Variants in CALN1 observed in about 807,000 individuals in gnomAD.
The protein encoded by CALN1 is calcium-binding protein 8.
In CALN1, 17 loss-of-function variants were observed where a neutral mutation model predicts 30.6. That is an observed-to-expected ratio of 0.56 (90% CI 0.38 to 0.83). CALN1 has a LOEUF of 0.83. Among genes scored for constraint, CALN1 ranks in the 40% least tolerant of loss-of-function variants. The pLI is 0.00. For missense variants in CALN1, 291 were observed against 354.9 expected (o/e 0.82, Z 1.45); for synonymous variants, 156 against 131.4 (o/e 1.19, Z -1.28).
chr7:71,832,885 C>T (rs780407975), intron 5 of CALN1, among the ~76,000 whole-genome samples: 1 of 151,940 alleles, frequency 6.6e-6, no homozygotes, highest in Non-Finnish European at 1.5e-5. Flanking sequence ...GGATTACAGG[C>T]GTGAGCCGCC....
intron 3 of CALN1, among the ~76,000 whole-genome samples, chr7:72,179,996 C>G (rs769806534): frequency 1.3e-5 from 2 of 152,112 alleles, no homozygotes; most frequent in African/African-American, 4.8e-5. Context: ...TTACATGATC[C>G]GTCCGCATCA....
At chr7:72,338,845 T>G (rs985014966) in intron 2 of CALN1, among the ~76,000 whole-genome samples, 7 of 152,036 alleles carry the variant, frequency 4.6e-5, no homozygotes, top group African/African-American at 1.7e-4. Context: ...AAATATGAGT[T>G]ATTGACTATA....
intron 3 of CALN1, among the ~76,000 whole-genome samples, chr7:72,207,959 A>G (rs1472789317): frequency 6.6e-6 from 1 of 152,170 alleles, no homozygotes; most frequent in African/African-American, 2.4e-5. Context: ...ATCTCTGTGA[A>G]ACTCCAGTAT....
chr7:71,790,368 A>AAAAAGAAAGAAAG lies in CALN1; in HGVS notation c.659-2467_659-2466insCTTTCTTTCTTTT, dbSNP rs1554337106. 8.1e-5 allele frequency among the ~76,000 whole-genome samples: 10 copies of AAAAAGAAAGAAAG among 123,798 alleles called. No homozygotes were observed. The East Asian group carries it at 2.2e-3, about 28-fold the overall frequency. 81.2% of individuals were successfully genotyped at this position (123,798 alleles called of 152,430 possible). On this transcript the variant is annotated intron_variant, in intron 6 of 6. Transcript: ENST00000395275. The stretch of plus-strand genomic sequence containing the variant: ...AAAGAAAAGAAAGAAAGAAAGAAAG[A>AAAAAGAAAGAAAG]AAAGAAAGAAAGAAAGAAAGAAAGA...
chr7:72,005,240 G>C (rs1297787216), intron 5 of CALN1, among the ~76,000 whole-genome samples: 2 of 152,200 alleles, frequency 1.3e-5, no homozygotes, highest in African/African-American at 2.4e-5. Flanking sequence ...GACAGCCTAG[G>C]TGTCCATCAA....
chr7:72,348,022 T>C (rs562910420), intron 2 of CALN1, among the ~76,000 whole-genome samples: 2 of 152,176 alleles, frequency 1.3e-5, no homozygotes, highest in South Asian at 2.1e-4. Flanking sequence ...TCCCAGCTAC[T>C]TGGGAGGCTG....
chr7:72,473,149 CT>C, the CALN1 span, among the ~76,000 whole-genome samples: 9 of 151,548 alleles, frequency 5.9e-5, no homozygotes, highest in Admixed American at 3.3e-4. Flanking sequence ...AGGGGTCTCA[CT>C]ATGTTGCCTA....
At chr7:71,920,330 C>CTTTTT (rs71092931) in intron 5 of CALN1, among the ~76,000 whole-genome samples, 14 of 98,726 alleles carry the variant, frequency 1.4e-4, no homozygotes, top group Non-Finnish European at 2.2e-4. Context: ...CAAATTAGTT[C>CTTTTT]TTTTTTTTTT....
chr7:72,404,915 C>T (rs1032584574), intron 1 of CALN1, among the ~76,000 whole-genome samples: 2 of 152,214 alleles, frequency 1.3e-5, no homozygotes, highest in African/African-American at 4.8e-5. Flanking sequence ...CTGTGAGTAA[C>T]TCATCAGCTA....
chr7:72,479,212 G>A, the CALN1 span, among the ~76,000 whole-genome samples: 6 of 152,194 alleles, frequency 3.9e-5, no homozygotes, highest in South Asian at 2.1e-4. Context: ...GTGTGTGTAC[G>A]TATATTTCAT....
the CALN1 span, among the ~76,000 whole-genome samples, chr7:72,502,008 C>T: frequency 3.4e-5 from 4 of 117,630 alleles, no homozygotes; most frequent in East Asian, 2.1e-4. Context: ...TATATACACA[C>T]ATATATATAT....
At chr7:71,890,568 GAAAAAATTATTAA>G (rs1054300759) in intron 5 of CALN1, among the ~76,000 whole-genome samples, 1 of 151,462 alleles carries the variant, frequency 6.6e-6, no homozygotes, top group African/African-American at 2.4e-5. Flanking sequence ...ATATAAAATA[GAAAAAATTATTAA>G]GAAGAAAAAA....
In CALN1 at chr7:71,785,421, C is replaced by G. The variant is rs1358293878; in HGVS notation, c.*2354G>C. 3 of 152,242 alleles carry G rather than the reference C, an allele frequency of 2.0e-5. No homozygotes were observed. Among genetic ancestry groups the G allele is most frequent in the Non-Finnish European group, 4.4e-5 (3 of 68,092 alleles). The allele number at this position is 152,242 out of a possible 1,614,324, so 9.4% of individuals were successfully genotyped here. ...CACCTCTTGAAGGGTCTCTGTTCTCCAGCAGGAGGCAGAAGAACTCGCAGA... is the reference window on the plus strand; with the variant it reads ...CACCTCTTGAAGGGTCTCTGTTCTCGAGCAGGAGGCAGAAGAACTCGCAGA... On this transcript the variant is annotated 3_prime_UTR_variant, in exon 7 of 7. Transcript: ENST00000395275.
At chr7:71,800,682 C>T (rs945285859) in intron 6 of CALN1, among the ~76,000 whole-genome samples, 4 of 152,030 alleles carry the variant, frequency 2.6e-5, no homozygotes, top group African/African-American at 4.8e-5. Context: ...AGCACCGTTT[C>T]GTATGAAGAC....
intron 1 of CALN1, among the ~76,000 whole-genome samples, chr7:72,423,947 AAAG>A (rs759723250): frequency 7.9e-6 from 1 of 126,454 alleles, no homozygotes; most frequent in East Asian, 2.7e-4. Flanking sequence ...AGAAAGAAAG[AAAG>A]AAGGGAGGGA....
intron 5 of CALN1, among the ~76,000 whole-genome samples, chr7:71,971,987 AAGAAAG>A (rs1562946811): frequency 7.2e-6 from 1 of 139,592 alleles, no homozygotes; most frequent in Non-Finnish European, 1.6e-5. Flanking sequence ...GAAAGAAAGA[AAGAAAG>A]AGAAAGAAAG....
rs530955622 is a variant in CALN1 at position 72,351,182 on chromosome 7, A to G, written c.119+52069T>C. Among the ~76,000 whole-genome samples the G allele has an allele frequency of 3.9e-5, 6 of 152,250 alleles. 1 individual carries two copies. The highest frequency in any genetic ancestry group is 3.9e-4 in the Admixed American group (6 of 15,280). The stretch of plus-strand genomic sequence containing the variant: ...TTTTAATTTTAAAAAATAAAGGTGA[A>G]ATAAAGAGTTTTTCAGATAAACAGT... On this transcript the variant is annotated intron_variant, in intron 2 of 6. Coordinates refer to ENST00000395275, the MANE Select transcript of CALN1 (RefSeq NM_031468.4).
At chr7:71,839,446 C>T (rs1264290300) in intron 5 of CALN1, among the ~76,000 whole-genome samples, 5 of 152,110 alleles carry the variant, frequency 3.3e-5, no homozygotes, top group Admixed American at 3.3e-4. Context: ...GCAGGAGATT[C>T]GCCTGAACCC....
At chr7:72,091,491 C>A (rs1036512151) in intron 4 of CALN1, among the ~76,000 whole-genome samples, 1 of 152,174 alleles carries the variant, frequency 6.6e-6, no homozygotes, top group East Asian at 1.9e-4. Flanking sequence ...ATGCTTGTAT[C>A]AAAATATCAC....
Sources: allele counts gnomAD v4.1 joint callset (sites outside exome capture counted in the v4.1 genomes callset), GRCh38; gene constraint gnomAD v4.1.1; transcripts MANE v1.5; gene names NCBI Gene and HGNC (gene_info 2026-07-23, HGNC 2026-07-21).